Variants in ANO1 observed in about 807,000 individuals in gnomAD.
The protein encoded by ANO1 is anoctamin 1, also known as anoctamin-1.
A neutral mutation model predicts 124.0 loss-of-function variants in ANO1; 59 were observed. That is an observed-to-expected ratio of 0.48 (90% confidence interval 0.39 to 0.59). The LOEUF is 0.59. ANO1 is among the 20% of genes least tolerant of loss of function. ANO1 has a pLI of 0.00. For missense variants in ANO1, 1,059 were observed against 1,328.0 expected, an observed-to-expected ratio of 0.80 and a Z score of 3.15; for synonymous variants, 529 against 532.0, an observed-to-expected ratio of 0.99 and a Z score of 0.08.
chr11:70,041,144 G>A (rs937370698), intron 1 of ANO1, among the ~76,000 whole-genome samples: 22 of 152,210 alleles, frequency 1.4e-4, no homozygotes, highest in South Asian at 8.3e-4. Context: ...AGGGGATGCC[G>A]ACCTCAGCTC....
intron 1 of ANO1, 71 bp from the exon 2 acceptor site, chr11:70,087,681 A>G: frequency 7.4e-7 from 1 of 1,351,536 alleles, no homozygotes; most frequent in South Asian, 1.5e-5. Flanking sequence ...GGATGAAGGG[A>G]GCAGCGCACC....
the ANO1 span, among the ~76,000 whole-genome samples, chr11:69,976,120 A>G: frequency 6.6e-6 from 1 of 152,236 alleles, no homozygotes; most frequent in Non-Finnish European, 1.5e-5. Flanking sequence ...ATGAGTTGAA[A>G]TCTGTCCCCT....
intron 24 of ANO1, 138 bp downstream of exon 24, chr11:70,182,824 A>G: frequency 1.1e-6 from 1 of 906,024 alleles, no homozygotes. Flanking sequence ...AGGAAAAAAA[A>G]AAAGGCTGGT....
chr11:70,143,612 A>AT (rs1264104202), intron 11 of ANO1, among the ~76,000 whole-genome samples: 1 of 152,116 alleles, frequency 6.6e-6, no homozygotes, highest in African/African-American at 2.4e-5. Context: ...AGAGATCTGC[A>AT]TTTTAACAAG....
At chr11:70,076,290 G>A (rs2044055305), upstream of ANO1, among the ~76,000 whole-genome samples, 1 of 152,216 alleles carries the variant, frequency 6.6e-6, no homozygotes, top group African/African-American at 2.4e-5. Context: ...GTGCTGTTGG[G>A]GAGAAGGTGG....
intron 1 of ANO1, among the ~76,000 whole-genome samples, chr11:70,086,742 CCAG>C (rs1565184025): frequency 6.6e-6 from 1 of 152,226 alleles, no homozygotes; most frequent in Non-Finnish European, 1.5e-5. Context: ...CCGAGGGTCC[CCAG>C]CAGGACGGAC....
intron 1 of ANO1, among the ~76,000 whole-genome samples, chr11:70,080,453 A>C (rs966787456): frequency 6.6e-6 from 1 of 152,236 alleles, no homozygotes; most frequent in South Asian, 2.1e-4. Context: ...CCATGGAGGT[A>C]CCAGCCAGGA....
intron 2 of ANO1, among the ~76,000 whole-genome samples, chr11:70,089,209 C>G (rs116495753): frequency 1.3e-5 from 2 of 152,300 alleles, no homozygotes; most frequent in Admixed American, 1.3e-4. Flanking sequence ...TAAAACACAT[C>G]GAAAACAGAA....
Position 70,167,262 on chromosome 11 carries a change from G to A in ANO1, c.2072G>A (p.Arg691His), listed in dbSNP as rs752384290. 5.0e-6 allele frequency: 8 copies of A among 1,613,980 alleles called. No homozygotes were observed. Among genetic ancestry groups the A allele is most frequent in the Admixed American group, 1.7e-5 (1 of 59,996 alleles). Residue 691 changes from arginine (R) to histidine (H), a missense_variant, in exon 21 of 26, where the codon CGC (arginine) becomes CAC (histidine). Around this residue, in one of 2 missense-constraint regions of ANO1, gnomAD observed 809 missense variants for 1,094.9 expected, o/e 0.74. Transcript: ENST00000355303. ...IGIPKMKKLI[R>H]YLKLKQQSPP... Reference sequence around the variant, plus strand: ...CTCAGGAAGATGAAGAAGCTCATCCGCTACCTGAAGCTGAAGCAGCAGAGC... The same window carrying A: ...CTCAGGAAGATGAAGAAGCTCATCCACTACCTGAAGCTGAAGCAGCAGAGC...
chr11:70,036,594 TGTG>T lies in ANO1; in HGVS notation c.59-41947_59-41945del, dbSNP rs569820748. ...GATGTCTGACTGTGTGTGGTTTGTT[TGTG>T]TTTTTGTTTTGTTTTGTTTTGTTTT... On this transcript the variant is annotated intron_variant, in intron 1 of 27. Transcript: ENST00000531349. Among the ~76,000 whole-genome samples the T allele has an allele frequency of 3.2e-3, 488 of 152,134 alleles. 2 individuals are homozygous for T. Among genetic ancestry groups the T allele is most frequent in the African/African-American group, 0.011 (461 of 41,508 alleles).
At chr11:69,974,241 C>A in the ANO1 span, among the ~76,000 whole-genome samples, 3 of 151,998 alleles carry the variant, frequency 2.0e-5, no homozygotes, top group Admixed American at 2.0e-4. Flanking sequence ...AACGCTTGAA[C>A]CTGGGAAGCA....
the ANO1 span, among the ~76,000 whole-genome samples, chr11:69,967,565 G>A: frequency 6.6e-6 from 1 of 152,354 alleles, no homozygotes; most frequent in Admixed American, 6.5e-5. Context: ...GGCTGATAAT[G>A]CCATCCACCC....
chr11:70,177,603 T>TC (rs1329906025), intron 22 of ANO1, among the ~76,000 whole-genome samples: 3 of 136,980 alleles, frequency 2.2e-5, no homozygotes, highest in Non-Finnish European at 3.2e-5. Context: ...TCTTTTTTTT[T>TC]TTTTTTTTTT....
At chr11:70,084,246 C>A (rs1467236190) in intron 1 of ANO1, among the ~76,000 whole-genome samples, 1 of 152,192 alleles carries the variant, frequency 6.6e-6, no homozygotes, top group East Asian at 1.9e-4. Context: ...CTTCCAAGAG[C>A]AGCTTCCGGT....
chr11:70,175,841 C>A (rs529774783), intron 22 of ANO1, among the ~76,000 whole-genome samples: 1 of 152,294 alleles, frequency 6.6e-6, no homozygotes, highest in East Asian at 1.9e-4. Context: ...CCCAACAGGG[C>A]TTTCATAAAA....
chr11:70,034,625 T>C (rs1417097074), intron 1 of ANO1, among the ~76,000 whole-genome samples: 1 of 152,182 alleles, frequency 6.6e-6, no homozygotes, highest in African/African-American at 2.4e-5. Flanking sequence ...TGGTCTCTAC[T>C]GCAGGAGAGG....
chr11:70,112,299 A>C (rs140371015), intron 7 of ANO1, among the ~76,000 whole-genome samples: 35 of 152,350 alleles, frequency 2.3e-4, no homozygotes, highest in African/African-American at 8.2e-4. Context: ...GGCACTGGGA[A>C]TGGGCCTCCG....
intron 1 of ANO1, among the ~76,000 whole-genome samples, chr11:70,080,205 G>A (rs918306368): frequency 1.3e-5 from 2 of 152,212 alleles, no homozygotes; most frequent in South Asian, 2.1e-4. Flanking sequence ...CTCTCACAAC[G>A]TGTGAGGTAG....
intron 11 of ANO1, among the ~76,000 whole-genome samples, chr11:70,140,359 C>A (rs1241233467): frequency 6.6e-6 from 1 of 151,854 alleles, no homozygotes; most frequent in African/African-American, 2.4e-5. Context: ...GTGAAACCCC[C>A]TCTCTACTAA....
Sources: gnomAD v4.1 joint callset for allele counts (sites outside exome capture counted in the v4.1 genomes callset) on GRCh38, gnomAD v4.1.1 for gene constraint, gnomAD v4.1.1 regional missense constraint, MANE v1.5 for transcripts, NCBI Gene and HGNC (gene_info 2026-07-23, HGNC 2026-07-21) for gene names.